Variants in CDH12 observed in about 807,000 individuals in gnomAD.
The protein encoded by CDH12 is cadherin-12.
In CDH12, 41 loss-of-function variants were observed where a neutral mutation model predicts 74.1. That is an observed-to-expected ratio of 0.55 (90% CI 0.43 to 0.72). CDH12 has a LOEUF of 0.72. Ranked by LOEUF, CDH12 falls within the 30% of genes least tolerant of loss-of-function variation. The pLI, the probability that CDH12 is intolerant of heterozygous loss-of-function variation, is 0.00. For missense variants in CDH12, 945 were observed against 977.2 expected, an observed-to-expected ratio of 0.97 and a Z score of 0.44; for synonymous variants, 399 against 355.0, an observed-to-expected ratio of 1.12 and a Z score of -1.39.
intron 6 of CDH12, among the ~76,000 whole-genome samples, chr5:21,939,975 C>T (rs1755258137): frequency 6.6e-6 from 1 of 152,096 alleles, no homozygotes; most frequent in Admixed American, 6.6e-5. Flanking sequence ...AATCCCAGCA[C>T]TTTGGGAGGC....
intron 1 of CDH12, among the ~76,000 whole-genome samples, chr5:22,554,391 G>A (rs1198522921): frequency 6.6e-6 from 1 of 152,078 alleles, no homozygotes; most frequent in African/African-American, 2.4e-5. Flanking sequence ...AATGAGGGAG[G>A]CTATGAATGG....
intron 6 of CDH12, among the ~76,000 whole-genome samples, chr5:21,904,385 A>G (rs1170067467): frequency 1.3e-5 from 2 of 152,206 alleles, no homozygotes; most frequent in Non-Finnish European, 2.9e-5. Context: ...GATGATTATC[A>G]AAATATCACC....
intron 3 of CDH12, among the ~76,000 whole-genome samples, chr5:22,401,886 A>G (rs1037425204): frequency 4.6e-5 from 7 of 152,186 alleles, no homozygotes; most frequent in African/African-American, 1.7e-4. Flanking sequence ...GATTGGAGTT[A>G]TGTTTCTAAC....
intron 6 of CDH12, among the ~76,000 whole-genome samples, chr5:21,866,775 C>A: frequency 6.6e-6 from 1 of 152,210 alleles, no homozygotes; most frequent in Non-Finnish European, 1.5e-5. Flanking sequence ...TAACGAGAAG[C>A]CAAATATTAA....
chr5:22,526,348 G>A (rs1054853865), intron 1 of CDH12, among the ~76,000 whole-genome samples: 2 of 152,124 alleles, frequency 1.3e-5, no homozygotes, highest in African/African-American at 2.4e-5. Flanking sequence ...CTTGCAGAAG[G>A]GAAAGGTGAT....
intron 4 of CDH12, among the ~76,000 whole-genome samples, chr5:22,119,066 T>C (rs1339017325): frequency 2.0e-5 from 3 of 152,244 alleles, no homozygotes; most frequent in South Asian, 2.1e-4. Context: ...GTACATCTCT[T>C]GGCATCTAAT....
At chr5:22,680,103 G>A (rs1248422498) in intron 1 of CDH12, among the ~76,000 whole-genome samples, 1 of 152,168 alleles carries the variant, frequency 6.6e-6, no homozygotes, top group African/African-American at 2.4e-5. Flanking sequence ...CCCAACCTAG[G>A]GGGAAGGGAG....
chr5:22,534,514 C>T (rs970487938), intron 1 of CDH12, among the ~76,000 whole-genome samples: 10 of 152,124 alleles, frequency 6.6e-5, no homozygotes, highest in African/African-American at 1.9e-4. Flanking sequence ...CAGGTTGCTG[C>T]GAATGCCATT....
At chr5:22,200,976 T>A (rs1167630664) in intron 4 of CDH12, among the ~76,000 whole-genome samples, 3 of 152,128 alleles carry the variant, frequency 2.0e-5, no homozygotes, top group Non-Finnish European at 4.4e-5. Context: ...AGAAGAAACA[T>A]TTGCACTCCA....
Position 21,811,774 on chromosome 5 carries a change from A to G in CDH12, c.1002+5171T>C, listed in dbSNP as rs1225356449. On this transcript the variant is annotated intron_variant, in intron 9 of 14. Transcript: ENST00000382254. ...TGAGGGTGGAATAAAAGCAGTTTTT[A>G]TTTTGTTTTGTTTTGTTTTGTTTTA... 2.8e-5 allele frequency among the ~76,000 whole-genome samples: 4 copies of G among 141,604 alleles called. No individual in the cohort carries two copies. In the East Asian group the frequency reaches 6.3e-4, roughly 22 times the overall value. The allele number at this position is 141,604 out of a possible 152,430, so 92.9% of individuals were successfully genotyped here.
At chr5:21,871,863 A>G (rs986423215) in intron 6 of CDH12, among the ~76,000 whole-genome samples, 1 of 152,192 alleles carries the variant, frequency 6.6e-6, no homozygotes, top group Non-Finnish European at 1.5e-5. Context: ...CTGAATATTC[A>G]AATACTGATC....
intron 3 of CDH12, among the ~76,000 whole-genome samples, chr5:22,371,140 T>TA (rs1394764578): frequency 6.6e-6 from 1 of 152,148 alleles, no homozygotes; most frequent in Non-Finnish European, 1.5e-5. Context: ...ACATTTTCCC[T>TA]AAAAGCTTAA....
At chr5:21,919,823 A>G (rs1213001131) in intron 6 of CDH12, among the ~76,000 whole-genome samples, 1 of 152,144 alleles carries the variant, frequency 6.6e-6, no homozygotes, top group African/African-American at 2.4e-5. Flanking sequence ...GCATTGACAG[A>G]CCTTCTCATT....
intron 1 of CDH12, among the ~76,000 whole-genome samples, chr5:22,775,730 A>G (rs1326668430): frequency 1.3e-5 from 2 of 152,090 alleles, no homozygotes; most frequent in African/African-American, 4.8e-5. Context: ...TGAATTACAT[A>G]TATATTTATT....
intron 3 of CDH12, among the ~76,000 whole-genome samples, chr5:22,264,008 A>C (rs879433752): frequency 1.3e-5 from 2 of 151,962 alleles, no homozygotes; most frequent in African/African-American, 4.8e-5. Context: ...CATTAGAAAA[A>C]AATGGCTATT....
At chr5:21,967,236 A>G (rs1046293660) in intron 6 of CDH12, among the ~76,000 whole-genome samples, 8 of 152,204 alleles carry the variant, frequency 5.3e-5, no homozygotes, top group African/African-American at 1.9e-4. Context: ...CTGCTCTCCC[A>G]TGATCACTTA....
At chr5:22,037,333 G>T (rs1739260013) in intron 5 of CDH12, among the ~76,000 whole-genome samples, 1 of 152,190 alleles carries the variant, frequency 6.6e-6, no homozygotes, top group South Asian at 2.1e-4. Flanking sequence ...GACAGTCAAA[G>T]AAGGAAATTT....
chr5:22,164,442 T>C (rs1748558974), intron 4 of CDH12, among the ~76,000 whole-genome samples: 1 of 152,200 alleles, frequency 6.6e-6, no homozygotes, highest in South Asian at 2.1e-4. Context: ...GCAGGCACCC[T>C]GCTGGATCCT....
chr5:22,546,046 G>A (rs1477781389), intron 1 of CDH12, among the ~76,000 whole-genome samples: 1 of 152,016 alleles, frequency 6.6e-6, no homozygotes, highest in African/African-American at 2.4e-5. Flanking sequence ...CCTGGTTCAG[G>A]CAATTCTCCT....
Sources: gnomAD v4.1 joint callset for allele counts (sites outside exome capture counted in the v4.1 genomes callset) on GRCh38, gnomAD v4.1.1 for gene constraint, MANE v1.5 for transcripts, NCBI Gene and HGNC (gene_info 2026-07-23, HGNC 2026-07-21) for gene names.